The following ADGRV1 variants were observed in gnomAD, a reference collection of about 807,000 sequenced individuals.
The protein encoded by ADGRV1 is G-protein coupled receptor 98.
In ADGRV1, 359 loss-of-function variants were observed where a neutral mutation model predicts 596.2. The observed-to-expected ratio is 0.60, with a 90% CI of 0.55 to 0.66. ADGRV1 has a LOEUF of 0.66. Among genes scored for constraint, ADGRV1 ranks in the 30% least tolerant of loss-of-function variants. The pLI is 0.00. For synonymous variants in ADGRV1, 2,681 were observed against 2,679.2 expected (o/e 1.00, Z -0.02); for missense variants, 7,274 against 7,575.6 (o/e 0.96, Z 1.48).
At chr5:91,054,159 A>G (rs912644917) in intron 85 of ADGRV1, among the ~76,000 whole-genome samples, 2 of 151,812 alleles carry the variant, frequency 1.3e-5, no homozygotes, top group Non-Finnish European at 2.9e-5. Flanking sequence ...CAGCTGCTAA[A>G]GAGAGCAAAC....
chr5:90,933,481 T>A (rs2150819738), intron 83 of ADGRV1, among the ~76,000 whole-genome samples: 1 of 152,204 alleles, frequency 6.6e-6, no homozygotes, highest in East Asian at 1.9e-4. Flanking sequence ...TTAAGGGCAG[T>A]AAGTGAGTCT....
At chr5:91,160,063 G>A (rs533075602) in intron 89 of ADGRV1, among the ~76,000 whole-genome samples, 66 of 152,326 alleles carry the variant, frequency 4.3e-4, no homozygotes, top group Non-Finnish European at 7.5e-4. Flanking sequence ...GCCTCCTGGT[G>A]TTATCCCAGG....
chr5:90,677,441 C>T (rs566495467), intron 25 of ADGRV1, among the ~76,000 whole-genome samples: 1 of 152,084 alleles, frequency 6.6e-6, no homozygotes, highest in Non-Finnish European at 1.5e-5. Flanking sequence ...TCTTGTCTTC[C>T]AGAGACAAGT....
Position 90,682,256 on chromosome 5 carries a change from G to A in ADGRV1, c.5664+802G>A, listed in dbSNP as rs546181792. Among the ~76,000 whole-genome samples, 172 of 152,284 alleles carry A rather than the reference G, an allele frequency of 1.1e-3. 2 individuals carry two copies. The highest frequency in any genetic ancestry group is 1.9e-3 in the Non-Finnish European group (126 of 68,022). On this transcript the variant is annotated intron_variant, in intron 27 of 89. Coordinates refer to ENST00000405460, the MANE Select transcript of ADGRV1 (RefSeq NM_032119.4). ...CAGCAGGTGCTTTTATCTTCTTGGC[G>A]GAGGGAAATGTGGATGTGAAGAACA...
chr5:91,045,814 A>G (rs1364121207), intron 85 of ADGRV1, among the ~76,000 whole-genome samples: 1 of 152,196 alleles, frequency 6.6e-6, no homozygotes, highest in Non-Finnish European at 1.5e-5. Flanking sequence ...CGATAAAAGA[A>G]TTCAGCAAAG....
chr5:91,139,586 T>G (rs141113852), intron 87 of ADGRV1, among the ~76,000 whole-genome samples: 19 of 152,234 alleles, frequency 1.2e-4, no homozygotes, highest in Admixed American at 1.2e-3. Context: ...TTGTGTGCTA[T>G]ATAGTCTTTT....
chr5:90,690,007 G>C lies in ADGRV1; in HGVS notation c.6637G>C (p.Ala2213Pro), dbSNP rs762017545. Residue 2213 changes from alanine to proline, a missense_variant, in exon 30 of 90, where the codon GCC becomes CCC. Physicochemically the swap from Ala to Pro is conservative, Grantham distance 27. Around this residue, in one of 5 missense-constraint regions of ADGRV1, gnomAD observed 3,643 missense variants for 3,809.2 expected, o/e 0.96. Transcript: ENST00000405460. ...ACTGATGAATGAAACAACAGGAGGAGCCAGACTAGGGGCTTTAACAGAGGC... is the reference window on the plus strand; with the variant it reads ...ACTGATGAATGAAACAACAGGAGGACCCAGACTAGGGGCTTTAACAGAGGC... ...VQLMNETTGGARLGALTEAVI... is the reference protein window; with the variant it reads ...VQLMNETTGGPRLGALTEAVI... The C allele has an allele frequency of 6.2e-7, 1 of 1,603,992 alleles. No individual in the cohort carries two copies. The highest frequency in any genetic ancestry group is 1.7e-5 in the Admixed American group (1 of 58,372).
chr5:90,689,945 A>G lies in ADGRV1; in HGVS notation c.6575A>G (p.Asp2192Gly). 2 of 1,612,846 alleles carry G rather than the reference A, an allele frequency of 1.2e-6. No homozygotes were observed. The highest frequency in any genetic ancestry group is 1.7e-6 in the Non-Finnish European group (2 of 1,179,316). ...SKAVPIYVIN[D>G]IYPELEESFL... Reference sequence around the variant, plus strand: ...GCCGTGCCAATATATGTCATTAATGATATCTATCCTGAACTGGAAGAATCT... The same window carrying G: ...GCCGTGCCAATATATGTCATTAATGGTATCTATCCTGAACTGGAAGAATCT... The change falls in exon 30 of 90, where the codon GAT becomes GGT. Residue 2192 changes from aspartate to glycine, a missense_variant. Asp to Gly is a moderately conservative substitution (Grantham distance 94). Transcript: ENST00000405460.
intron 25 of ADGRV1, among the ~76,000 whole-genome samples, chr5:90,678,313 T>C (rs1744509703): frequency 6.6e-6 from 1 of 152,082 alleles, no homozygotes; most frequent in Admixed American, 6.6e-5. Flanking sequence ...TCTATTGCTG[T>C]CATCACTGCC....
At chr5:90,692,324 A>T (rs76099505) in intron 31 of ADGRV1, among the ~76,000 whole-genome samples, 1 of 152,152 alleles carries the variant, frequency 6.6e-6, no homozygotes, top group African/African-American at 2.4e-5. Context: ...ATAAACAGGG[A>T]TATTAAAATT....
intron 16 of ADGRV1, among the ~76,000 whole-genome samples, chr5:90,647,056 G>A (rs1040791050): frequency 1.3e-5 from 2 of 152,156 alleles, no homozygotes; most frequent in African/African-American, 4.8e-5. Context: ...ACAGGTGTGA[G>A]CCACTGCGCC....
intron 78 of ADGRV1, among the ~76,000 whole-genome samples, chr5:90,841,275 C>A (rs920954884): frequency 6.6e-6 from 1 of 152,098 alleles, no homozygotes; most frequent in Non-Finnish European, 1.5e-5. Context: ...GAGCTATAGG[C>A]AGTTGGCGAC....
At chr5:91,058,642 T>C (rs1268211240) in intron 85 of ADGRV1, among the ~76,000 whole-genome samples, 1 of 152,152 alleles carries the variant, frequency 6.6e-6, no homozygotes, top group Non-Finnish European at 1.5e-5. Context: ...GGTGTGATGG[T>C]GTCATGTTGG....
chr5:90,789,911 G>C, intron 69 of ADGRV1, 60 bp downstream of exon 69: 1 of 1,203,484 alleles, frequency 8.3e-7, no homozygotes, highest in Non-Finnish European at 1.1e-6. Context: ...TGGTTAAGAG[G>C]GACAGGGAAA....
intron 83 of ADGRV1, among the ~76,000 whole-genome samples, chr5:90,913,124 A>G (rs184047669): frequency 2.0e-5 from 3 of 152,276 alleles, no homozygotes; most frequent in Admixed American, 2.0e-4. Context: ...TCCACTGGCT[A>G]ATTTGGGGCC....
rs1004994418 is a variant in ADGRV1 at position 90,840,823 on chromosome 5, T to C, written c.16857T>C (p.Leu5619=). The C allele has an allele frequency of 1.9e-6, 3 of 1,613,874 alleles. No homozygotes were observed. The Admixed American group carries it at 5.0e-5, about 27-fold the overall frequency. ...TGTATGGGACTGCCAACATCACTCTTGTCTCAGATGCAGATTCGCAGGCCA... is the reference window on the plus strand; with the variant it reads ...TGTATGGGACTGCCAACATCACTCTCGTCTCAGATGCAGATTCGCAGGCCA... ...DKVYGTANIT[L]VSDADSQAIW... is the part of the protein sequence containing the mutation. The change falls in exon 78 of 90, where the codon CTT becomes CTC. Residue 5619 remains leucine (L), a synonymous_variant. Transcript: ENST00000405460.
intron 87 of ADGRV1, among the ~76,000 whole-genome samples, chr5:91,119,460 T>G (rs1793123958): frequency 6.6e-6 from 1 of 152,212 alleles, no homozygotes; most frequent in South Asian, 2.1e-4. Context: ...CCTAATTGTC[T>G]TTTGCCTCTG....
At chr5:90,624,205 CACTA>C (rs1350295905) in intron 5 of ADGRV1, among the ~76,000 whole-genome samples, 1 of 152,066 alleles carries the variant, frequency 6.6e-6, no homozygotes, top group African/African-American at 2.4e-5. Flanking sequence ...ACACAGTAAA[CACTA>C]ACTAAATATG....
rs901127143 is a variant in ADGRV1 at position 91,093,312 on chromosome 5, C to T, written c.18311-8907C>T. Among the ~76,000 whole-genome samples the T allele has an allele frequency of 3.3e-5, 5 of 152,296 alleles. 1 individual carries two copies. In the South Asian group the frequency reaches 1.0e-3, roughly 32 times the overall value. ...TTTCCTCCATGGATCATATCTTAAACGACTAGTGTACCTTAGACCCACTGC... is the reference window on the plus strand; with the variant it reads ...TTTCCTCCATGGATCATATCTTAAATGACTAGTGTACCTTAGACCCACTGC... On this transcript the variant is annotated intron_variant, in intron 86 of 89. Transcript: ENST00000405460.
Sources: gnomAD v4.1 joint callset for allele counts (sites outside exome capture counted in the v4.1 genomes callset) on GRCh38, gnomAD v4.1.1 for gene constraint, gnomAD v4.1.1 regional missense constraint, MANE v1.5 for transcripts, NCBI Gene and HGNC (gene_info 2026-07-23, HGNC 2026-07-21) for gene names.